Variants in KIRREL3 observed in about 807,000 individuals in gnomAD.
KIRREL3 encodes the protein kirre like nephrin family adhesion molecule 3.
Under a neutral mutation model 89.7 loss-of-function variants are expected in KIRREL3, and 36 were observed. The observed-to-expected ratio is 0.40, with a 90% CI of 0.31 to 0.53. The LOEUF is 0.53. Ranked by LOEUF, KIRREL3 falls within the 20% of genes least tolerant of loss-of-function variation. The pLI, the probability that KIRREL3 is intolerant of heterozygous loss-of-function variation, is 0.49. For missense variants in KIRREL3, 864 were observed against 1,056.6 expected (o/e 0.82, Z 2.53); for synonymous variants, 445 against 441.4 (o/e 1.01, Z -0.10).
Position 126,564,918 on chromosome 11 carries a change from C to G in KIRREL3, c.56-2006G>C, listed in dbSNP as rs1229378828. On this transcript the variant is annotated intron_variant, in intron 1 of 16. Transcript: ENST00000525144. This position sits in a 1 kb window ranked among gnomAD's most constrained non-coding sequence, Gnocchi z 7.4. Reference sequence around the variant, plus strand: ...AACCAGCCCATTGTAATTGCACACGCATTGTTCATCATTAGAATGATACAA... The same window carrying G: ...AACCAGCCCATTGTAATTGCACACGGATTGTTCATCATTAGAATGATACAA... 6.6e-6 allele frequency among the ~76,000 whole-genome samples: 1 copy of G among 152,180 alleles called. No homozygotes were observed. Among genetic ancestry groups the G allele is most frequent in the Non-Finnish European group, 1.5e-5 (1 of 68,042 alleles).
chr11:126,540,855 C>A (rs908569287), intron 2 of KIRREL3, among the ~76,000 whole-genome samples: 34 of 152,218 alleles, frequency 2.2e-4, no homozygotes, highest in Non-Finnish European at 3.7e-4. Flanking sequence ...CTGTTGCTGG[C>A]CAGCCATGGG....
At position 126,575,349 on chromosome 11, in the gene KIRREL3, T is replaced by C. The variant is rs762962196; in HGVS notation, c.56-12437A>G. Among the ~76,000 whole-genome samples, 1 of 152,102 alleles carries C rather than the reference T, an allele frequency of 6.6e-6. No homozygotes were observed. The highest frequency in any genetic ancestry group is 1.5e-5 in the Non-Finnish European group (1 of 68,010). On this transcript the variant is annotated intron_variant, in intron 1 of 16. Transcript: ENST00000525144. This position sits in a 1 kb window ranked among gnomAD's most constrained non-coding sequence, Gnocchi z 7.0. Reference sequence around the variant, plus strand: ...TAGTGTGGGTGTCACAACCACCTCTTAGCTCTTGATCAGAGATATCCACCT... The same window carrying C: ...TAGTGTGGGTGTCACAACCACCTCTCAGCTCTTGATCAGAGATATCCACCT...
rs75040971 is a variant in KIRREL3, at chr11:126,622,312, A to C, written c.56-59400T>G. ...AATGTTAAAAATGGTGACACATTTTATCTCAAGTTGAACTTTGCATCCCCA... is the reference window on the plus strand; with the variant it reads ...AATGTTAAAAATGGTGACACATTTTCTCTCAAGTTGAACTTTGCATCCCCA... On this transcript the variant is annotated intron_variant, in intron 1 of 16. Transcript: ENST00000525144. This position sits in a 1 kb window ranked among gnomAD's most constrained non-coding sequence, Gnocchi z 5.2. 0.022 allele frequency among the ~76,000 whole-genome samples: 3,345 copies of C among 152,314 alleles called. 122 individuals carry two copies. The highest frequency in any genetic ancestry group is 0.074 in the African/African-American group (3,081 of 41,554).
At chr11:126,497,962 C>T (rs1226485880) in intron 4 of KIRREL3, among the ~76,000 whole-genome samples, 2 of 135,694 alleles carry the variant, frequency 1.5e-5, no homozygotes, top group Admixed American at 7.2e-5. Flanking sequence ...TACACACAGC[C>T]CCTTCCTAAC....
At chr11:126,770,102 C>T (rs1347062652) in intron 1 of KIRREL3, among the ~76,000 whole-genome samples, 1 of 151,932 alleles carries the variant, frequency 6.6e-6, no homozygotes, top group African/African-American at 2.4e-5. Flanking sequence ...AACTGCAGTT[C>T]AACTTAGAAC....
chr11:126,549,344 G>A (rs1939072381), intron 2 of KIRREL3: 1 of 152,194 alleles, frequency 6.6e-6, no homozygotes, highest in Non-Finnish European at 1.5e-5. Flanking sequence ...GATGGAGTTA[G>A]GGGGAAAACG....
intron 1 of KIRREL3, among the ~76,000 whole-genome samples, chr11:126,833,122 C>T (rs1943665793): frequency 6.6e-6 from 1 of 152,170 alleles, no homozygotes; most frequent in African/African-American, 2.4e-5. Flanking sequence ...ATGCTTGTCT[C>T]CAACTATTTC....
intron 1 of KIRREL3, among the ~76,000 whole-genome samples, chr11:126,975,901 TCCC>T (rs1565470849): frequency 2.8e-4 from 10 of 36,196 alleles, no homozygotes; most frequent in Non-Finnish European, 5.0e-4. Flanking sequence ...CCTCCCTCCC[TCCC>T]TTCCTCCCTC....
Position 126,675,212 on chromosome 11 carries a change from C to A in KIRREL3, c.56-112300G>T, listed in dbSNP as rs979555637. Among the ~76,000 whole-genome samples the A allele has an allele frequency of 6.6e-5, 10 of 152,214 alleles. No individual in the cohort carries two copies. The East Asian group carries it at 1.9e-3, about 29-fold the overall frequency. On this transcript the variant is annotated intron_variant, in intron 1 of 16. Transcript: ENST00000525144. ...ACATGCTAGTCTCATATAATCAAGC[C>A]CAACAGAGGCAATGATCTGACCTTC...
chr11:126,750,768 T>C lies in KIRREL3; in HGVS notation c.56-187856A>G, dbSNP rs751483853. 5.3e-5 allele frequency among the ~76,000 whole-genome samples: 8 copies of C among 152,218 alleles called. No individual in the cohort carries two copies. Among genetic ancestry groups the C allele is most frequent in the Non-Finnish European group, 1.2e-4 (8 of 68,042 alleles). Reference sequence around the variant, plus strand: ...CTGAGACCTAGCTATATCACATGGATTGTCCAAGCTAACAAATGGTAGTGC... The same window carrying C: ...CTGAGACCTAGCTATATCACATGGACTGTCCAAGCTAACAAATGGTAGTGC... On this transcript the variant is annotated intron_variant, in intron 1 of 16. Transcript: ENST00000525144. The surrounding 1 kb of genome is among the most constrained non-coding windows in gnomAD (Gnocchi z 4.2).
At chr11:126,819,487 A>G (rs1327726223) in intron 1 of KIRREL3, among the ~76,000 whole-genome samples, 2 of 152,222 alleles carry the variant, frequency 1.3e-5, no homozygotes, top group African/African-American at 4.8e-5. Flanking sequence ...CCTTCCTGCC[A>G]TTTGTCACCG....
At position 126,969,502 on chromosome 11, in the gene KIRREL3, G is replaced by A. The variant is rs1304712404; in HGVS notation, c.55+30953C>T. 1.3e-5 allele frequency among the ~76,000 whole-genome samples: 2 copies of A among 152,186 alleles called. No individual in the cohort carries two copies. The highest frequency in any genetic ancestry group is 4.8e-5 in the African/African-American group (2 of 41,452). ...TGTGAACCAGGGGAAGAGGGAGTAA[G>A]AACGTCTCCTGAGGGCGGAGGCTGT... is the stretch of plus-strand genomic sequence containing the variant. On this transcript the variant is annotated intron_variant, in intron 1 of 16. Coordinates refer to ENST00000525144, the MANE Select transcript of KIRREL3 (RefSeq NM_032531.4). The surrounding 1 kb of genome is among the most constrained non-coding windows in gnomAD (Gnocchi z 4.9).
rs1460951793 is a variant in KIRREL3, at chr11:126,639,592, G to A, written c.56-76680C>T. ...TGCTGAAAGTCTCAGGGCTCTGCAA[G>A]CTGGAGATGAGATCGGCTAATCCTG... On this transcript the variant is annotated intron_variant, in intron 1 of 16. Coordinates refer to ENST00000525144, the MANE Select transcript of KIRREL3 (RefSeq NM_032531.4). This position sits in a 1 kb window ranked among gnomAD's most constrained non-coding sequence, Gnocchi z 4.3. Among the ~76,000 whole-genome samples the A allele has an allele frequency of 2.0e-5, 3 of 152,198 alleles. No homozygotes were observed. The highest frequency in any genetic ancestry group is 4.4e-5 in the Non-Finnish European group (3 of 68,040).
intron 1 of KIRREL3, among the ~76,000 whole-genome samples, chr11:126,968,267 GC>G (rs369254856): frequency 3.3e-5 from 5 of 152,106 alleles, no homozygotes; most frequent in African/African-American, 1.2e-4. Context: ...CAAATTACAT[GC>G]CACAGCTTGC....
rs1418188186 is a variant in KIRREL3 at position 126,872,588 on chromosome 11, A to G, written c.55+127867T>C. 6.6e-6 allele frequency among the ~76,000 whole-genome samples: 1 copy of G among 152,192 alleles called. No homozygotes were observed. The highest frequency in any genetic ancestry group is 6.5e-5 in the Admixed American group (1 of 15,288). On this transcript the variant is annotated intron_variant, in intron 1 of 16. Transcript: ENST00000525144. The surrounding 1 kb of genome is among the most constrained non-coding windows in gnomAD (Gnocchi z 4.2). The stretch of plus-strand genomic sequence containing the variant: ...ACTTCACCTGCATCATTTACATCAA[A>G]CAGCCCCTCTAAGGGACCTTAGGCC...
chr11:126,718,230 T>A (rs538664196), intron 1 of KIRREL3, among the ~76,000 whole-genome samples: 8 of 152,132 alleles, frequency 5.3e-5, no homozygotes, highest in African/African-American at 1.9e-4. Flanking sequence ...CACCCAGAAC[T>A]GCAGCCAGAC....
rs564530498 is a variant in KIRREL3 at position 126,541,288 on chromosome 11, C to G, written c.134-14601G>C. 4.6e-5 allele frequency among the ~76,000 whole-genome samples: 7 copies of G among 152,322 alleles called. No homozygotes were observed. Among genetic ancestry groups the G allele is most frequent in the African/African-American group, 1.7e-4 (7 of 41,570 alleles). ...ACCTCTTAGCTGTGTGCCCTTGGGCCTGACTCTTTAACTAAGACTCAGATG... is the reference window on the plus strand; with the variant it reads ...ACCTCTTAGCTGTGTGCCCTTGGGCGTGACTCTTTAACTAAGACTCAGATG... On this transcript the variant is annotated intron_variant, in intron 2 of 16. Transcript: ENST00000525144. The surrounding 1 kb of genome is among the most constrained non-coding windows in gnomAD (Gnocchi z 4.8).
At chr11:126,751,633 T>C (rs1949339746) in intron 1 of KIRREL3, among the ~76,000 whole-genome samples, 1 of 151,842 alleles carries the variant, frequency 6.6e-6, no homozygotes, top group Non-Finnish European at 1.5e-5. Flanking sequence ...CAATATCTGC[T>C]ACAAGTGGAT....
chr11:126,597,277 G>A (rs1425788573), intron 1 of KIRREL3, among the ~76,000 whole-genome samples: 3 of 152,208 alleles, frequency 2.0e-5, no homozygotes, highest in Non-Finnish European at 2.9e-5. Flanking sequence ...CCGCAATGTC[G>A]GGACACCAAA....
Sources: allele counts gnomAD v4.1 joint callset (sites outside exome capture counted in the v4.1 genomes callset), GRCh38; gene constraint gnomAD v4.1.1; non-coding constraint Gnocchi (gnomAD v3.1); transcripts MANE v1.5; gene names NCBI Gene and HGNC (gene_info 2026-07-23, HGNC 2026-07-21).